The following TLL1 variants were observed in gnomAD, a reference collection of about 807,000 sequenced individuals.
TLL1 encodes the protein tolloid like 1, also known as tolloid-like protein 1.
TLL1 carries 49 observed loss-of-function variants against 128.2 expected under a neutral mutation model. That is an observed-to-expected ratio of 0.38 (90% confidence interval 0.30 to 0.48). The LOEUF (loss-of-function observed/expected upper bound fraction) is 0.48. Among genes scored for constraint, TLL1 ranks in the 20% least tolerant of loss-of-function variants. The probability of loss-of-function intolerance (pLI) is 0.96; values close to 1 mark genes in which losing one functional copy is unlikely to be tolerated. For synonymous variants in TLL1, 454 were observed against 418.8 expected, an observed-to-expected ratio of 1.08 and a Z score of -1.03; for missense variants, 1,123 against 1,242.0, an observed-to-expected ratio of 0.90 and a Z score of 1.44.
chr4:165,919,475 ATAT>A (rs1309809831), intron 1 of TLL1, among the ~76,000 whole-genome samples: 29 of 151,762 alleles, frequency 1.9e-4, no homozygotes, highest in African/African-American at 6.8e-4. Context: ...CTATTTTATG[ATAT>A]TATTACAATT....
intron 1 of TLL1, among the ~76,000 whole-genome samples, chr4:165,966,231 C>T (rs1735366133): frequency 6.6e-6 from 1 of 150,836 alleles, no homozygotes; most frequent in Admixed American, 6.6e-5. Context: ...TAGCAAACCA[C>T]CTCAATAAAG....
At chr4:165,896,057 A>G (rs1401571355) in intron 1 of TLL1, among the ~76,000 whole-genome samples, 1 of 152,014 alleles carries the variant, frequency 6.6e-6, no homozygotes, top group Non-Finnish European at 1.5e-5. Flanking sequence ...TACATTAGGT[A>G]TTTCTCCGAA....
chr4:165,902,291 T>C (rs938669954), intron 1 of TLL1, among the ~76,000 whole-genome samples: 11 of 129,296 alleles, frequency 8.5e-5, no homozygotes, highest in Admixed American at 7.7e-4. Flanking sequence ...CACCAGGTTA[T>C]GAAAAAAAAA....
chr4:165,995,011 A>G (rs1319177364), intron 4 of TLL1, 50 bp from the exon 5 acceptor site: 2 of 1,472,004 alleles, frequency 1.4e-6, no homozygotes, highest in Non-Finnish European at 1.9e-6. Flanking sequence ...AGCAAGAAGC[A>G]TTCTTCCTGG....
rs1486817185 is a variant in TLL1 at position 166,060,136 on chromosome 4, C to G, written c.1955C>G (p.Thr652Ser). 20 of 1,613,420 alleles carry G rather than the reference C, an allele frequency of 1.2e-5. No individual in the cohort carries two copies. Among genetic ancestry groups the G allele is most frequent in the Non-Finnish European group, 1.5e-5 (18 of 1,179,868 alleles). ...TGTGTGTGGCAAGTGGTTGCACCAACCCAGTACAGAATTTCTGTGAAGTTT... is the reference window on the plus strand; with the variant it reads ...TGTGTGTGGCAAGTGGTTGCACCAAGCCAGTACAGAATTTCTGTGAAGTTT... The part of the protein sequence containing the change: ...KNCVWQVVAP[T>S]QYRISVKFEF... Residue 652 changes from threonine (T) to serine (S), a missense_variant, in exon 15 of 21, where the codon ACC becomes AGC. By Grantham distance (58) the Thr-to-Ser change is moderately conservative. Coordinates refer to ENST00000061240, the MANE Select transcript of TLL1 (RefSeq NM_012464.5).
At chr4:165,924,857 C>T (rs1433019840) in intron 1 of TLL1, among the ~76,000 whole-genome samples, 1 of 152,130 alleles carries the variant, frequency 6.6e-6, no homozygotes, top group Non-Finnish European at 1.5e-5. Context: ...GCTTATTTAC[C>T]ATTCTGAAAA....
intron 16 of TLL1, among the ~76,000 whole-genome samples, chr4:166,073,196 G>C (rs558665468): frequency 1.3e-4 from 20 of 150,656 alleles, no homozygotes; most frequent in Admixed American, 1.3e-3. Flanking sequence ...TAGAAAGTCA[G>C]AGTGAAAAAC....
chr4:165,997,149 C>T (rs78974073), intron 5 of TLL1, among the ~76,000 whole-genome samples: 3,252 of 152,106 alleles, frequency 0.021, 123 homozygotes, highest in African/African-American at 0.074. Flanking sequence ...CATCATATTT[C>T]ATGATGATTT....
At chr4:165,981,979 C>T (rs1299936162) in intron 1 of TLL1, among the ~76,000 whole-genome samples, 1 of 151,984 alleles carries the variant, frequency 6.6e-6, no homozygotes, top group Non-Finnish European at 1.5e-5. Context: ...AAGGGAAACT[C>T]TTAGACAAAC....
Position 166,020,594 on chromosome 4 carries a change from C to T in TLL1, c.1043-4722C>T, listed in dbSNP as rs56253954. 6.2e-3 allele frequency among the ~76,000 whole-genome samples: 937 copies of T among 152,228 alleles called. 3 individuals are homozygous for T. Among genetic ancestry groups the T allele is most frequent in the Non-Finnish European group, 9.3e-3 (634 of 68,006 alleles). ...ATGCGTTGACCTCCACTTTACCCTA[C>T]TCATAGGATTACTTTCCCTTCTTAT... On this transcript the variant is annotated intron_variant, in intron 8 of 20. Coordinates refer to ENST00000061240, the MANE Select transcript of TLL1 (RefSeq NM_012464.5).
At chr4:166,007,701 T>C (rs1485072622) in intron 6 of TLL1, among the ~76,000 whole-genome samples, 3 of 151,718 alleles carry the variant, frequency 2.0e-5, no homozygotes, top group Non-Finnish European at 3.0e-5. Flanking sequence ...AAAGAAAGTA[T>C]GCTTTTTCAT....
intron 1 of TLL1, among the ~76,000 whole-genome samples, chr4:165,885,490 A>G (rs1175232032): frequency 2.6e-5 from 4 of 152,072 alleles, no homozygotes; most frequent in African/African-American, 9.7e-5. Context: ...GCCCTGAAGT[A>G]GGCCATGCAA....
intron 1 of TLL1, among the ~76,000 whole-genome samples, chr4:165,945,751 A>G (rs1454137344): frequency 1.3e-5 from 2 of 152,176 alleles, no homozygotes; most frequent in Admixed American, 1.3e-4. Flanking sequence ...AAACAAGAAC[A>G]TAAATGTGTT....
chr4:165,951,911 A>G (rs1416776286), intron 1 of TLL1, among the ~76,000 whole-genome samples: 1 of 152,156 alleles, frequency 6.6e-6, no homozygotes, highest in East Asian at 1.9e-4. Flanking sequence ...TGTTGATCTT[A>G]AAAGAGAGCA....
intron 8 of TLL1, 152 bp downstream of exon 8, chr4:166,014,712 G>C (rs1456283941): frequency 1.6e-6 from 2 of 1,222,790 alleles, no homozygotes; most frequent in East Asian, 4.8e-5. Flanking sequence ...AATGAGGCAG[G>C]AGGGAACTCT....
intron 1 of TLL1, among the ~76,000 whole-genome samples, chr4:165,906,827 G>GT (rs372917139): frequency 0.15 from 17,495 of 114,110 alleles, 1,325 homozygotes; most frequent in South Asian, 0.3. Context: ...TATTTCTCCA[G>GT]TTTTTTTTTT....
At chr4:166,021,690 C>T (rs949082201) in intron 8 of TLL1, among the ~76,000 whole-genome samples, 4 of 152,170 alleles carry the variant, frequency 2.6e-5, no homozygotes, top group African/African-American at 4.8e-5. Context: ...CTCGGCCTCG[C>T]AAACTGCTGG....
At position 166,089,734 on chromosome 4, in the gene TLL1, TAACA is replaced by T. The variant is rs566697905; in HGVS notation, c.2443-1388_2443-1385del. On this transcript the variant is annotated intron_variant, in intron 18 of 20. Coordinates refer to ENST00000061240, the MANE Select transcript of TLL1 (RefSeq NM_012464.5). The stretch of plus-strand genomic sequence containing the variant: ...CCTTCCTTTTCATCCATAATGATTA[TAACA>T]AACAATTACTCTAATGCTTATTGGT... Among the ~76,000 whole-genome samples the T allele has an allele frequency of 1.9e-3, 285 of 152,312 alleles. 1 individual carries two copies. Among genetic ancestry groups the T allele is most frequent in the Admixed American group, 5.0e-3 (76 of 15,278 alleles).
intron 1 of TLL1, among the ~76,000 whole-genome samples, chr4:165,933,472 G>A (rs566603796): frequency 1.3e-5 from 2 of 152,226 alleles, no homozygotes; most frequent in South Asian, 2.1e-4. Context: ...GGCGCATCTC[G>A]AGGTCTGCAG....
Sources: allele counts gnomAD v4.1 joint callset (sites outside exome capture counted in the v4.1 genomes callset), GRCh38; gene constraint gnomAD v4.1.1; transcripts MANE v1.5; gene names NCBI Gene and HGNC (gene_info 2026-07-23, HGNC 2026-07-21).